MALRD1: variants seen among roughly 807,000 people sequenced by gnomAD.
MALRD1 encodes MAM and LDL receptor class A domain containing 1.
In MALRD1, 247 loss-of-function variants were observed where a neutral mutation model predicts 242.1. The ratio of observed to expected loss-of-function variants is 1.02; its 90% CI spans 0.92 to 1.13. The LOEUF (loss-of-function observed/expected upper bound fraction) is 1.13. Ranked by LOEUF, MALRD1 falls within the 50% of genes most tolerant of loss-of-function variation. MALRD1 has a pLI of 0.00. For synonymous variants in MALRD1, 995 were observed against 866.6 expected, an observed-to-expected ratio of 1.15 and a Z score of -2.60; for missense variants, 2,989 against 2,533.1, an observed-to-expected ratio of 1.18 and a Z score of -3.86.
intron 26 of MALRD1, among the ~76,000 whole-genome samples, chr10:19,367,955 A>G (rs1222386662): frequency 3.3e-5 from 5 of 151,736 alleles, no homozygotes; most frequent in Non-Finnish European, 5.9e-5. Flanking sequence ...TTGGAGTATT[A>G]TTATTATTAT....
At chr10:19,214,528 T>C (rs1837218407) in intron 18 of MALRD1, among the ~76,000 whole-genome samples, 1 of 152,198 alleles carries the variant, frequency 6.6e-6, no homozygotes, top group Admixed American at 6.5e-5. Context: ...GCACAGAACT[T>C]TCTGTCCATT....
rs138832514 is a variant in MALRD1, at chr10:19,432,245, T to A, written c.4846-18062T>A. On this transcript the variant is annotated intron_variant, in intron 28 of 39. Transcript: ENST00000454679. ...TACTCTTTTTTGTGTTACGTAAGAT[T>A]GAGAACAATGATAGTATGCCTCAGG... is the stretch of plus-strand genomic sequence containing the variant. Among the ~76,000 whole-genome samples, 1,424 of 152,322 alleles carry A rather than the reference T, an allele frequency of 9.3e-3. 15 individuals are homozygous for A. The highest frequency in any genetic ancestry group is 0.014 in the Non-Finnish European group (932 of 68,034).
intron 36 of MALRD1, among the ~76,000 whole-genome samples, chr10:19,629,361 A>G (rs1431935153): frequency 6.6e-6 from 1 of 152,132 alleles, no homozygotes; most frequent in Non-Finnish European, 1.5e-5. Context: ...CCTGACTGTT[A>G]AGTAGATATT....
chr10:19,618,037 G>A (rs533611655), intron 36 of MALRD1, among the ~76,000 whole-genome samples: 46 of 152,062 alleles, frequency 3.0e-4, no homozygotes, highest in Non-Finnish European at 4.6e-4. Context: ...GCATCCATGT[G>A]TTCTCATCAT....
chr10:19,659,070 T>C (rs1206692736), intron 36 of MALRD1, among the ~76,000 whole-genome samples: 4 of 152,214 alleles, frequency 2.6e-5, no homozygotes, highest in African/African-American at 9.6e-5. Flanking sequence ...TACTTTTTGC[T>C]CTTTAGCCAT....
intron 2 of MALRD1, among the ~76,000 whole-genome samples, chr10:19,087,283 T>C (rs1041998666): frequency 2.0e-5 from 3 of 152,044 alleles, no homozygotes; most frequent in Non-Finnish European, 4.4e-5. Flanking sequence ...GGATGTACCT[T>C]TGTCTGTTAA....
chr10:19,545,527 A>G (rs1835171471), intron 32 of MALRD1, among the ~76,000 whole-genome samples: 1 of 150,862 alleles, frequency 6.6e-6, no homozygotes, highest in African/African-American at 2.5e-5. Flanking sequence ...AATATCCAGT[A>G]CCTGCCTACC....
At chr10:19,481,084 A>G (rs2131177693) in intron 29 of MALRD1, among the ~76,000 whole-genome samples, 1 of 152,286 alleles carries the variant, frequency 6.6e-6, no homozygotes, top group Non-Finnish European at 1.5e-5. Context: ...TCATCTTTTT[A>G]TTTAAAATAT....
intron 31 of MALRD1, among the ~76,000 whole-genome samples, chr10:19,516,925 T>C (rs1833660717): frequency 6.6e-6 from 1 of 152,166 alleles, no homozygotes; most frequent in Non-Finnish European, 1.5e-5. Context: ...TACTGTAGTC[T>C]GCCTAAACCA....
At chr10:19,439,167 A>G (rs961222211) in intron 28 of MALRD1, among the ~76,000 whole-genome samples, 6 of 143,738 alleles carry the variant, frequency 4.2e-5, no homozygotes, top group African/African-American at 1.8e-4. Context: ...AAAATTACAT[A>G]AAATAGCCAT....
At chr10:19,687,990 G>A (rs1842662281) in intron 36 of MALRD1, among the ~76,000 whole-genome samples, 3 of 149,316 alleles carry the variant, frequency 2.0e-5, no homozygotes, top group Non-Finnish European at 4.5e-5. Flanking sequence ...TATTTTTGGA[G>A]AAGGAGTCTC....
intron 21 of MALRD1, among the ~76,000 whole-genome samples, chr10:19,312,010 G>C (rs903940484): frequency 6.6e-6 from 1 of 151,368 alleles, no homozygotes; most frequent in Admixed American, 6.6e-5. Flanking sequence ...TTCCATCACA[G>C]GCCATGATGC....
intron 1 of MALRD1, among the ~76,000 whole-genome samples, chr10:19,062,090 C>T (rs1834838858): frequency 6.6e-6 from 1 of 151,762 alleles, no homozygotes. Flanking sequence ...ACAAAATAAC[C>T]TAATTAAAAA....
chr10:19,730,559 A>T (rs1327044974), intron 38 of MALRD1, 147 bp from the exon 39 acceptor site: 1 of 871,616 alleles, frequency 1.1e-6, no homozygotes, highest in Non-Finnish European at 1.8e-6. Flanking sequence ...ATAAAAAACA[A>T]ACTTTACTTA....
intron 36 of MALRD1, among the ~76,000 whole-genome samples, chr10:19,626,531 A>G (rs1415585851): frequency 6.6e-6 from 1 of 152,064 alleles, no homozygotes; most frequent in Non-Finnish European, 1.5e-5. Flanking sequence ...AGATAAATAT[A>G]AAAGACTAGA....
chr10:19,500,496 T>C (rs1269031307), intron 31 of MALRD1, among the ~76,000 whole-genome samples: 1 of 152,202 alleles, frequency 6.6e-6, no homozygotes, highest in African/African-American at 2.4e-5. Context: ...CAATACAATC[T>C]AGATAAAGAC....
chr10:19,589,853 G>A (rs866931432), intron 33 of MALRD1, among the ~76,000 whole-genome samples: 35 of 152,120 alleles, frequency 2.3e-4, no homozygotes, highest in African/African-American at 7.5e-4. Context: ...TGCTATTTTC[G>A]TTTGCTTTCC....
chr10:19,678,094 A>G (rs1842210120), intron 36 of MALRD1, among the ~76,000 whole-genome samples: 1 of 152,190 alleles, frequency 6.6e-6, no homozygotes, highest in Non-Finnish European at 1.5e-5. Flanking sequence ...GTTTGAAGCC[A>G]GGTAGCATGA....
At chr10:19,181,521 T>A (rs532913643) in intron 14 of MALRD1, among the ~76,000 whole-genome samples, 1 of 152,176 alleles carries the variant, frequency 6.6e-6, no homozygotes. Context: ...ATATAGAGAA[T>A]GAAACAGTGG....
Sources: allele counts gnomAD v4.1 joint callset (sites outside exome capture counted in the v4.1 genomes callset), GRCh38; gene constraint gnomAD v4.1.1; transcripts MANE v1.5; gene names NCBI Gene and HGNC (gene_info 2026-07-23, HGNC 2026-07-21).